The following VPS41 variants were observed in gnomAD, a reference collection of about 807,000 sequenced individuals.
VPS41 encodes vacuolar protein sorting-associated protein 41 homolog.
A neutral mutation model predicts 130.9 loss-of-function variants in VPS41; 85 were observed. The ratio of observed to expected loss-of-function variants is 0.65; its 90% CI spans 0.55 to 0.78. The LOEUF (loss-of-function observed/expected upper bound fraction) is 0.78. Among genes scored for constraint, VPS41 ranks in the 30% least tolerant of loss-of-function variants. The pLI is 0.00. For missense variants in VPS41, 874 were observed against 1,018.7 expected (o/e 0.86, Z 1.93); for synonymous variants, 335 against 332.9 (o/e 1.01, Z -0.07).
chr7:38,884,513 AT>A (rs1188786739), intron 2 of VPS41, among the ~76,000 whole-genome samples: 11 of 151,808 alleles, frequency 7.2e-5, no homozygotes, highest in South Asian at 2.1e-4. Flanking sequence ...AGGTAACACA[AT>A]TTTTTTTTAT....
intron 7 of VPS41, among the ~76,000 whole-genome samples, chr7:38,805,989 C>T (rs923938166): frequency 2.0e-5 from 3 of 152,070 alleles, no homozygotes; most frequent in Non-Finnish European, 2.9e-5. Flanking sequence ...TTAAAAGCTG[C>T]CCTGAGCAAG....
At chr7:38,881,066 T>C (rs1374748576) in intron 2 of VPS41, among the ~76,000 whole-genome samples, 2 of 151,926 alleles carry the variant, frequency 1.3e-5, no homozygotes, top group African/African-American at 2.4e-5. Context: ...TTTCCTATCA[T>C]TGCTGTAAAA....
intron 25 of VPS41, among the ~76,000 whole-genome samples, chr7:38,736,554 A>G (rs900040430): frequency 1.3e-5 from 2 of 152,202 alleles, no homozygotes; most frequent in African/African-American, 4.8e-5. Context: ...TTCCATGCCA[A>G]TTCTGTATGT....
intron 4 of VPS41, among the ~76,000 whole-genome samples, chr7:38,847,879 C>T (rs1256957298): frequency 2.6e-5 from 4 of 152,076 alleles, no homozygotes; most frequent in Non-Finnish European, 5.9e-5. Flanking sequence ...GAGAGTAAAG[C>T]CCTTGTTTTC....
intron 9 of VPS41, among the ~76,000 whole-genome samples, chr7:38,793,246 C>T (rs1037761499): frequency 5.3e-5 from 8 of 152,178 alleles, no homozygotes; most frequent in Non-Finnish European, 1.2e-4. Context: ...TAGAACACTG[C>T]CTGGCACACT....
intron 24 of VPS41, 131 bp from the exon 25 acceptor site, chr7:38,742,252 A>C: frequency 2.3e-6 from 2 of 859,186 alleles, no homozygotes; most frequent in South Asian, 1.9e-5. Flanking sequence ...CTTCAAAGTA[A>C]GTGTTAAAAC....
At chr7:38,868,827 G>A (rs1359466901) in intron 3 of VPS41, among the ~76,000 whole-genome samples, 1 of 152,120 alleles carries the variant, frequency 6.6e-6, no homozygotes, top group Non-Finnish European at 1.5e-5. Flanking sequence ...AATCTTAACA[G>A]GTTCCTAATT....
Position 38,793,195 on chromosome 7 carries a change from G to A in VPS41, c.717+2270C>T, listed in dbSNP as rs146685924. ...CTCACTAGAACATAAATTTCCCAAG[G>A]GAAGGAACTCATTCATTTGTATATT... On this transcript the variant is annotated intron_variant, in intron 9 of 28. Transcript: ENST00000310301. Among the ~76,000 whole-genome samples the A allele has an allele frequency of 8.5e-5, 13 of 152,258 alleles. No homozygotes were observed. The East Asian group carries it at 2.3e-3, about 27-fold the overall frequency.
intron 22 of VPS41, chr7:38,745,853 G>A: frequency 2.3e-6 from 1 of 427,580 alleles, no homozygotes; most frequent in Non-Finnish European, 4.1e-6. Context: ...CATTTCATGA[G>A]CAAGAGTAGA....
At chr7:38,907,409 G>C (rs1463809098) in intron 1 of VPS41, among the ~76,000 whole-genome samples, 1 of 152,210 alleles carries the variant, frequency 6.6e-6, no homozygotes, top group Non-Finnish European at 1.5e-5. Context: ...CTGGGTCAAG[G>C]TCCTGTGGGA....
intron 4 of VPS41, among the ~76,000 whole-genome samples, chr7:38,842,939 C>A (rs1785638378): frequency 2.0e-5 from 3 of 152,172 alleles, no homozygotes. Flanking sequence ...TTAAACTCAG[C>A]ATCTGGCATA....
chr7:38,739,986 TA>T (rs1795850991), intron 25 of VPS41, among the ~76,000 whole-genome samples: 2 of 152,198 alleles, frequency 1.3e-5, no homozygotes, highest in Admixed American at 1.3e-4. Context: ...ATTTATTTAT[TA>T]AAAATGAATG....
In VPS41 at chr7:38,765,570, C is replaced by T; in HGVS notation, c.1329+10G>A. 1.3e-6 allele frequency: 2 copies of T among 1,553,484 alleles called. No homozygotes were observed. The highest frequency in any genetic ancestry group is 2.3e-5 in the East Asian group (1 of 43,562). On this transcript the variant is annotated intron_variant, in intron 16 of 28. Transcript: ENST00000310301. ...CAGAAACTGAGAGTTAAAAATAAGG[C>T]TTTGCTTACCTTAAGCTGTCCAATT...
At chr7:38,739,733 C>G (rs1795845753) in intron 25 of VPS41, among the ~76,000 whole-genome samples, 1 of 152,190 alleles carries the variant, frequency 6.6e-6, no homozygotes, top group African/African-American at 2.4e-5. Context: ...CTCCCTCACC[C>G]TCTGAGAAGC....
rs73128026 is a variant in VPS41 at position 38,878,387 on chromosome 7, G to T, written c.61-9134C>A. Among the ~76,000 whole-genome samples, 566 of 152,122 alleles carry T rather than the reference G, an allele frequency of 3.7e-3. 2 individuals carry two copies. The highest frequency in any genetic ancestry group is 6.1e-3 in the Non-Finnish European group (415 of 67,974). ...TTCTATTAAAAACCTTCAAAGAATG[G>T]AAAATTCCCAACTTATTTAAGCTGC... On this transcript the variant is annotated intron_variant, in intron 2 of 28. Coordinates refer to ENST00000310301, the MANE Select transcript of VPS41 (RefSeq NM_014396.4).
rs151069162 is a variant in VPS41, at chr7:38,860,145, C to T, written c.246+2400G>A. Among the ~76,000 whole-genome samples, 654 of 152,246 alleles carry T rather than the reference C, an allele frequency of 4.3e-3. 4 individuals are homozygous for T. The highest frequency in any genetic ancestry group is 0.015 in the African/African-American group (630 of 41,542). ...TAACCTCAGTGTCACGATTCATTTA[C>T]AAAATGATCTCTGAACAGGATGTCA... On this transcript the variant is annotated intron_variant, in intron 4 of 28. Coordinates refer to ENST00000310301, the MANE Select transcript of VPS41 (RefSeq NM_014396.4).
At chr7:38,774,716 C>A (rs1041395242) in intron 11 of VPS41, among the ~76,000 whole-genome samples, 1 of 152,114 alleles carries the variant, frequency 6.6e-6, no homozygotes, top group Non-Finnish European at 1.5e-5. Flanking sequence ...AAAGCATCAG[C>A]AATGTGAATC....
intron 6 of VPS41, among the ~76,000 whole-genome samples, chr7:38,819,214 C>T (rs1010100215): frequency 2.6e-5 from 4 of 152,240 alleles, no homozygotes; most frequent in Admixed American, 6.5e-5. Flanking sequence ...CACTGTCTAA[C>T]TTGCAATAGC....
rs558094275 is a variant in VPS41, at chr7:38,775,844, A to G, written c.882+835T>C. Among the ~76,000 whole-genome samples the G allele has an allele frequency of 2.6e-5, 4 of 152,146 alleles. No homozygotes were observed. In the East Asian group the frequency reaches 5.8e-4, roughly 22 times the overall value. Reference sequence around the variant, plus strand: ...TGCCATTTAAAAAAAAAAAAAGGATACAAACAAGGATAGTCCACTTGCCTA... The same window carrying G: ...TGCCATTTAAAAAAAAAAAAAGGATGCAAACAAGGATAGTCCACTTGCCTA... On this transcript the variant is annotated intron_variant, in intron 11 of 28. Transcript: ENST00000310301.
Sources: gnomAD v4.1 joint callset for allele counts (sites outside exome capture counted in the v4.1 genomes callset) on GRCh38, gnomAD v4.1.1 for gene constraint, MANE v1.5 for transcripts, NCBI Gene and HGNC (gene_info 2026-07-23, HGNC 2026-07-21) for gene names.